NDUFS4: variants seen among roughly 807,000 people sequenced by gnomAD.
NDUFS4 encodes NADH dehydrogenase [ubiquinone] iron-sulfur protein 4, mitochondrial.
NDUFS4 carries 28 observed loss-of-function variants against 24.3 expected under a neutral mutation model. The ratio of observed to expected loss-of-function variants is 1.15; its 90% CI spans 0.85 to 1.58. NDUFS4 has a LOEUF of 1.58. Ranked by LOEUF, NDUFS4 falls within the 40% of genes most tolerant of loss-of-function variation. The pLI is 0.00. For missense variants in NDUFS4, 223 were observed against 207.9 expected (o/e 1.07, Z -0.45); for synonymous variants, 93 against 69.7 (o/e 1.34, Z -1.67).
At chr5:53,596,443 TAATAA>T (rs776773166) in intron 1 of NDUFS4, among the ~76,000 whole-genome samples, 9 of 151,994 alleles carry the variant, frequency 5.9e-5, no homozygotes, top group South Asian at 4.1e-4. Context: ...AAAAAGTAAA[TAATAA>T]AATAAAATAA....
intron 4 of NDUFS4, among the ~76,000 whole-genome samples, chr5:53,662,156 T>C (rs1389966647): frequency 1.3e-5 from 2 of 152,198 alleles, no homozygotes; most frequent in East Asian, 3.9e-4. Context: ...CTCTTATTAT[T>C]TTGAGATAAG....
Position 53,603,464 on chromosome 5 carries a change from T to C in NDUFS4, c.111T>C (p.Thr37=), listed in dbSNP as rs905836637. ...TCTTGCACTGCAGGTCGTTGAGGACTTCCACATGGAGATTGGCACAGGACC... is the reference window on the plus strand; with the variant it reads ...TCTTGCACTGCAGGTCGTTGAGGACCTCCACATGGAGATTGGCACAGGACC... ...VSRVPTRSLR[T]STWRLAQDQT... The change falls in exon 2 of 5, where the codon ACT becomes ACC. Residue 37 remains threonine (T), a synonymous_variant. Coordinates refer to ENST00000296684, the MANE Select transcript of NDUFS4 (RefSeq NM_002495.4). 5 of 1,613,808 alleles carry C rather than the reference T, an allele frequency of 3.1e-6. No homozygotes were observed. The highest frequency in any genetic ancestry group is 4.2e-6 in the Non-Finnish European group (5 of 1,179,868).
Position 53,664,403 on chromosome 5 carries a change from C to T in NDUFS4, c.424+5779C>T, listed in dbSNP as rs575348410. ...GCTTTGCTAGATTGGGGAAGTTCTC[C>T]TGGATAATATCCTGCAGAGTGTTTT... On this transcript the variant is annotated intron_variant, in intron 4 of 4. Transcript: ENST00000296684. Among the ~76,000 whole-genome samples, 3 of 150,378 alleles carry T rather than the reference C, an allele frequency of 2.0e-5. No individual in the cohort carries two copies. The East Asian group carries it at 5.8e-4, about 29-fold the overall frequency.
At chr5:53,650,993 A>G (rs916685775) in intron 3 of NDUFS4, among the ~76,000 whole-genome samples, 4 of 152,218 alleles carry the variant, frequency 2.6e-5, no homozygotes, top group Non-Finnish European at 5.9e-5. Context: ...AAAATGAGAT[A>G]TACTATATGT....
At chr5:53,658,887 C>T in intron 4 of NDUFS4, 1 of 372,296 alleles carries the variant, frequency 2.7e-6, no homozygotes, top group Non-Finnish European at 4.9e-6. Context: ...CTACTTAACG[C>T]CTACCTTGTG....
chr5:53,598,594 T>A (rs938541762), intron 1 of NDUFS4, among the ~76,000 whole-genome samples: 3 of 152,168 alleles, frequency 2.0e-5, no homozygotes, highest in Non-Finnish European at 4.4e-5. Context: ...GATTTTCTCA[T>A]CTACAGCAAA....
chr5:53,660,470 G>T (rs1163325548), intron 4 of NDUFS4, among the ~76,000 whole-genome samples: 1 of 152,106 alleles, frequency 6.6e-6, no homozygotes, highest in Non-Finnish European at 1.5e-5. Flanking sequence ...ATGTGTGCAT[G>T]TGTCTTTACA....
At chr5:53,573,883 C>T (rs1335623290) in intron 1 of NDUFS4, among the ~76,000 whole-genome samples, 8 of 152,202 alleles carry the variant, frequency 5.3e-5, no homozygotes, top group Non-Finnish European at 2.9e-5. Flanking sequence ...TGAGTTATTG[C>T]ATCCAGCCTA....
chr5:53,569,751 A>G (rs944625028), intron 1 of NDUFS4, among the ~76,000 whole-genome samples: 6 of 152,164 alleles, frequency 3.9e-5, no homozygotes, highest in African/African-American at 1.4e-4. Context: ...TCTTCCTTCA[A>G]GTCTGTGCTC....
intron 1 of NDUFS4, among the ~76,000 whole-genome samples, chr5:53,586,234 CAGG>C (rs1749749209): frequency 6.8e-6 from 1 of 147,786 alleles, no homozygotes; most frequent in Non-Finnish European, 1.5e-5. Flanking sequence ...GAGGCTGAGG[CAGG>C]AGAATCGTAT....
intron 1 of NDUFS4, among the ~76,000 whole-genome samples, chr5:53,590,322 A>ATAGATT (rs1297384368): frequency 6.6e-6 from 1 of 152,240 alleles, no homozygotes; most frequent in African/African-American, 2.4e-5. Context: ...CTTGCTTATA[A>ATAGATT]CATAAATCTA....
At chr5:53,594,800 T>C (rs371473494) in intron 1 of NDUFS4, among the ~76,000 whole-genome samples, 1 of 152,234 alleles carries the variant, frequency 6.6e-6, no homozygotes, top group East Asian at 1.9e-4. Context: ...CAAACCTCTT[T>C]TATACATTAT....
intron 4 of NDUFS4, among the ~76,000 whole-genome samples, chr5:53,680,397 G>A (rs1023530024): frequency 1.3e-5 from 2 of 152,166 alleles, no homozygotes; most frequent in Non-Finnish European, 2.9e-5. Flanking sequence ...GCACACGTAT[G>A]TTTACTGCGG....
chr5:53,593,855 T>C (rs1443717055), intron 1 of NDUFS4, among the ~76,000 whole-genome samples: 1 of 152,142 alleles, frequency 6.6e-6, no homozygotes, highest in Non-Finnish European at 1.5e-5. Flanking sequence ...GGAGATTTTC[T>C]AGTTTTCTGT....
At chr5:53,629,812 A>G (rs899812814) in intron 2 of NDUFS4, among the ~76,000 whole-genome samples, 1 of 152,108 alleles carries the variant, frequency 6.6e-6, no homozygotes. Context: ...CAGCACACAA[A>G]TGGGTCTTGA....
At chr5:53,591,513 TG>T (rs1362592937) in intron 1 of NDUFS4, among the ~76,000 whole-genome samples, 1 of 150,064 alleles carries the variant, frequency 6.7e-6, no homozygotes, top group Non-Finnish European at 1.5e-5. Flanking sequence ...TGGTATCTTA[TG>T]GTTTTCTTTT....
chr5:53,571,875 T>G (rs114082817), intron 1 of NDUFS4, among the ~76,000 whole-genome samples: 6,083 of 152,324 alleles, frequency 0.04, 153 homozygotes, highest in Non-Finnish European at 0.064. Flanking sequence ...TTTAATCATG[T>G]TATTTTCTTA....
chr5:53,607,487 GAAAA>G (rs1212899243), intron 2 of NDUFS4, among the ~76,000 whole-genome samples: 4 of 151,448 alleles, frequency 2.6e-5, no homozygotes, highest in Non-Finnish European at 4.4e-5. Flanking sequence ...GTAAAAAAAA[GAAAA>G]AAAAGACTGT....
chr5:53,569,441 A>T (rs538059700), intron 1 of NDUFS4, among the ~76,000 whole-genome samples: 5 of 152,094 alleles, frequency 3.3e-5, no homozygotes, highest in Admixed American at 6.5e-5. Context: ...AGTGTCTTCT[A>T]TCTTTGTAGG....
Sources: gnomAD v4.1 joint callset for allele counts (sites outside exome capture counted in the v4.1 genomes callset) on GRCh38, gnomAD v4.1.1 for gene constraint, MANE v1.5 for transcripts, NCBI Gene and HGNC (gene_info 2026-07-23, HGNC 2026-07-21) for gene names.